ARHGAP24: variants seen among roughly 807,000 people sequenced by gnomAD.
ARHGAP24 encodes the protein rho GTPase-activating protein 24.
ARHGAP24 carries 50 observed loss-of-function variants against 76.4 expected under a neutral mutation model. That is an observed-to-expected ratio of 0.65 (90% CI 0.52 to 0.83). The LOEUF (loss-of-function observed/expected upper bound fraction) is 0.83, where lower values mean the gene tolerates loss of function less well. Among genes scored for constraint, ARHGAP24 ranks in the 40% least tolerant of loss-of-function variants. The probability of loss-of-function intolerance (pLI) is 0.00; values close to 1 mark genes in which losing one functional copy is unlikely to be tolerated. For missense variants in ARHGAP24, 930 were observed against 914.2 expected, an observed-to-expected ratio of 1.02 and a Z score of -0.22; for synonymous variants, 345 against 323.3, an observed-to-expected ratio of 1.07 and a Z score of -0.72.
chr4:85,995,174 G>T lies in ARHGAP24; in HGVS notation c.1520G>T (p.Gly507Val). The change falls in exon 9 of 10, where the codon GGC becomes GTC. Residue 507 changes from glycine to valine, a missense_variant. Physicochemically the swap from Gly to Val is moderately radical, Grantham distance 109. Transcript: ENST00000395184. ...CGAAACATGAGCTGGCTGCCAAATG[G>T]CTATGTGACCCTGAGGGATAACAAG... ...NVRNMSWLPNGYVTLRDNKQK... is the reference protein window; with the variant it reads ...NVRNMSWLPNVYVTLRDNKQK... 1 of 1,614,000 alleles carries T rather than the reference G, an allele frequency of 6.2e-7. No individual in the cohort carries two copies. Among genetic ancestry groups the T allele is most frequent in the Non-Finnish European group, 8.5e-7 (1 of 1,180,016 alleles).
intron 2 of ARHGAP24, 95 bp downstream of exon 2, chr4:85,570,816 C>G: frequency 7.7e-7 from 1 of 1,300,708 alleles, no homozygotes; most frequent in Non-Finnish European, 1.1e-6. Context: ...CCACCCAAAG[C>G]TCCCTGGTCT....
At chr4:85,528,452 A>G (rs1395090517) in intron 1 of ARHGAP24, among the ~76,000 whole-genome samples, 1 of 152,026 alleles carries the variant, frequency 6.6e-6, no homozygotes, top group Non-Finnish European at 1.5e-5. Flanking sequence ...TTAGTGTACA[A>G]TATGGATTGG....
chr4:85,508,623 C>G (rs1439198348), intron 1 of ARHGAP24, among the ~76,000 whole-genome samples: 1 of 152,122 alleles, frequency 6.6e-6, no homozygotes, highest in African/African-American at 2.4e-5. Flanking sequence ...CCTTTCATTC[C>G]CGTGCTATGA....
intron 1 of ARHGAP24, among the ~76,000 whole-genome samples, chr4:85,489,806 A>G (rs1723286470): frequency 6.6e-6 from 1 of 152,142 alleles, no homozygotes; most frequent in Non-Finnish European, 1.5e-5. Flanking sequence ...AGAATAGGAC[A>G]GCAGTGGCTT....
intron 3 of ARHGAP24, among the ~76,000 whole-genome samples, chr4:85,888,597 C>T (rs1003368632): frequency 6.6e-6 from 1 of 151,864 alleles, no homozygotes; most frequent in African/African-American, 2.4e-5. Context: ...CCATCTTGGA[C>T]ACCAAATTGT....
chr4:85,865,446 T>A (rs1732140541), intron 3 of ARHGAP24, among the ~76,000 whole-genome samples: 1 of 147,762 alleles, frequency 6.8e-6, no homozygotes, highest in Admixed American at 6.8e-5. Flanking sequence ...CTATTTATTA[T>A]TAATAATAAA....
intron 7 of ARHGAP24, 22 bp downstream of exon 7, chr4:85,974,983 A>G: frequency 6.3e-7 from 1 of 1,599,802 alleles, no homozygotes; most frequent in Non-Finnish European, 8.6e-7. Flanking sequence ...CCTAAGGACA[A>G]ACGTAAACAA....
intron 2 of ARHGAP24, among the ~76,000 whole-genome samples, chr4:85,647,855 A>G (rs1450516504): frequency 2.0e-5 from 3 of 152,056 alleles, no homozygotes; most frequent in Non-Finnish European, 4.4e-5. Context: ...ATTTTTATCC[A>G]TGGAACTTAT....
rs1384143496 is a variant in ARHGAP24, at chr4:85,677,989, G to T, written c.181-43896G>T. 2.0e-5 allele frequency among the ~76,000 whole-genome samples: 3 copies of T among 151,826 alleles called. No individual in the cohort carries two copies. The East Asian group carries it at 5.8e-4, about 29-fold the overall frequency. ...CAGGAGTTCGAGGATGTAGTGAACT[G>T]TGATTGTACTACTGTGCTCCAGCCT... On this transcript the variant is annotated intron_variant, in intron 2 of 9. Transcript: ENST00000395184.
At chr4:85,863,078 C>A (rs745499376) in intron 3 of ARHGAP24, among the ~76,000 whole-genome samples, 18 of 152,236 alleles carry the variant, frequency 1.2e-4, no homozygotes, top group Non-Finnish European at 1.3e-4. Flanking sequence ...AGCATGACAT[C>A]TATCTCTAAT....
chr4:85,834,169 G>C (rs1382253292), intron 3 of ARHGAP24, among the ~76,000 whole-genome samples: 1 of 152,032 alleles, frequency 6.6e-6, no homozygotes, highest in South Asian at 2.1e-4. Context: ...AAAAAGTTGG[G>C]GGAAGTTATC....
intron 2 of ARHGAP24, among the ~76,000 whole-genome samples, chr4:85,668,202 T>C (rs189387816): frequency 3.9e-5 from 6 of 152,362 alleles, no homozygotes; most frequent in African/African-American, 1.4e-4. Context: ...GTGTTTTAGT[T>C]GGTTTACTCT....
chr4:85,516,034 T>G (rs1170154530), intron 1 of ARHGAP24, among the ~76,000 whole-genome samples: 1 of 152,134 alleles, frequency 6.6e-6, no homozygotes, highest in African/African-American at 2.4e-5. Context: ...AAAAAAAAAT[T>G]CCCAGCCAGG....
chr4:85,846,779 C>T (rs1182741219), intron 3 of ARHGAP24, among the ~76,000 whole-genome samples: 1 of 152,180 alleles, frequency 6.6e-6, no homozygotes, highest in African/African-American at 2.4e-5. Flanking sequence ...AACAGACTTA[C>T]ACAGTTTGCT....
At chr4:85,588,249 C>T (rs2109978033) in intron 2 of ARHGAP24, among the ~76,000 whole-genome samples, 1 of 152,310 alleles carries the variant, frequency 6.6e-6, no homozygotes, top group South Asian at 2.1e-4. Flanking sequence ...TCACAGAAGC[C>T]TGCTGTTGCT....
intron 6 of ARHGAP24, among the ~76,000 whole-genome samples, chr4:85,972,836 A>G (rs1020061805): frequency 3.3e-5 from 5 of 152,002 alleles, no homozygotes; most frequent in African/African-American, 9.7e-5. Flanking sequence ...GAATCATTCA[A>G]TGTTTTTTTG....
intron 3 of ARHGAP24, among the ~76,000 whole-genome samples, chr4:85,883,042 A>T (rs1437908951): frequency 6.6e-6 from 1 of 152,144 alleles, no homozygotes; most frequent in African/African-American, 2.4e-5. Flanking sequence ...CCTGTGTTTC[A>T]GTGGTGTGGG....
At chr4:85,774,619 C>A (rs1052933590) in intron 3 of ARHGAP24, among the ~76,000 whole-genome samples, 1 of 152,118 alleles carries the variant, frequency 6.6e-6, no homozygotes, top group Admixed American at 6.5e-5. Context: ...TATCCACAGA[C>A]GATATTCTGG....
chr4:85,688,202 T>A (rs1723501668), intron 2 of ARHGAP24, among the ~76,000 whole-genome samples: 1 of 152,208 alleles, frequency 6.6e-6, no homozygotes, highest in African/African-American at 2.4e-5. Flanking sequence ...AATGTATATA[T>A]GTTCCCTTCT....
Sources: allele counts gnomAD v4.1 joint callset (sites outside exome capture counted in the v4.1 genomes callset), GRCh38; gene constraint gnomAD v4.1.1; transcripts MANE v1.5; gene names NCBI Gene and HGNC (gene_info 2026-07-23, HGNC 2026-07-21).